Variants in MAP4K1 observed in about 807,000 individuals in gnomAD.
MAP4K1 encodes the protein mitogen-activated protein kinase kinase kinase kinase 1.
MAP4K1 carries 35 observed loss-of-function variants against 122.8 expected under a neutral mutation model. That is an observed-to-expected ratio of 0.29 (90% CI 0.22 to 0.38). The LOEUF (loss-of-function observed/expected upper bound fraction) is 0.38. MAP4K1 is among the 10% of genes least tolerant of loss of function. The probability of loss-of-function intolerance (pLI) is 1.00; values close to 1 mark genes in which losing one functional copy is unlikely to be tolerated. For synonymous variants in MAP4K1, 412 were observed against 421.3 expected (o/e 0.98, Z 0.27); for missense variants, 791 against 1,072.6 (o/e 0.74, Z 3.67).
In MAP4K1 at chr19:38,617,138, C is replaced by T. The variant is rs1203118740; in HGVS notation, c.248+216G>A. The stretch of plus-strand genomic sequence containing the variant: ...GTGAGCGCCTGTAATCCCAGCTACT[C>T]GGGAGTCTGAGGCAGAGAATTGCTT... On this transcript the variant is annotated intron_variant, in intron 3 of 30. Coordinates refer to ENST00000396857, the MANE Select transcript of MAP4K1 (RefSeq NM_001042600.3). This position sits in a 1 kb window ranked among gnomAD's most constrained non-coding sequence, Gnocchi z 4.1. 8.6e-5 allele frequency among the ~76,000 whole-genome samples: 13 copies of T among 151,874 alleles called. No homozygotes were observed. Among genetic ancestry groups the T allele is most frequent in the Admixed American group, 7.2e-4 (11 of 15,226 alleles).
intron 19 of MAP4K1, among the ~76,000 whole-genome samples, chr19:38,603,245 C>T (rs1975202558): frequency 6.7e-6 from 1 of 149,082 alleles, no homozygotes; most frequent in African/African-American, 2.5e-5. Flanking sequence ...TATATATACA[C>T]ATGTACATAT....
chr19:38,613,789 A>C, intron 8 of MAP4K1, 91 bp downstream of exon 8: 1 of 976,556 alleles, frequency 1.0e-6, no homozygotes, highest in Non-Finnish European at 1.6e-6. Flanking sequence ...AGGCAGGGGA[A>C]CGGAGCCAGG....
chr19:38,598,129 C>T lies in MAP4K1; in HGVS notation c.1670-535G>A, dbSNP rs183932644. Among the ~76,000 whole-genome samples, 550 of 151,966 alleles carry T rather than the reference C, an allele frequency of 3.6e-3. 3 individuals are homozygous for T. Among genetic ancestry groups the T allele is most frequent in the Non-Finnish European group, 6.5e-3 (445 of 67,968 alleles). The stretch of plus-strand genomic sequence containing the variant: ...CACTGCAGCCTCTGCCTCCCAGGTT[C>T]AAGCAATTCTCATGCCTCAGCCTCC... On this transcript the variant is annotated intron_variant, in intron 22 of 30. Transcript: ENST00000396857.
At position 38,599,950 on chromosome 19, in the gene MAP4K1, G is replaced by A. The variant is rs192388181; in HGVS notation, c.1644C>T (p.Ile548=). The A allele has an allele frequency of 6.2e-7, 1 of 1,614,190 alleles. No individual in the cohort carries two copies. The highest frequency in any genetic ancestry group is 1.1e-5 in the South Asian group (1 of 91,084). ...FPSRTTWVYS[I]NNVLMSLSGK... is the part of the protein sequence containing the mutation. ...CTGAGAGAGACATGAGAACGTTGTT[G>A]ATGGAGTACACCCACGTAGTCCGGC... Residue 548 remains isoleucine, a synonymous_variant, in exon 22 of 31, where the codon ATC becomes ATT. Transcript: ENST00000396857.
chr19:38,604,128 CAAAAAAAAAAAAA>C (rs200072842), intron 19 of MAP4K1, among the ~76,000 whole-genome samples: 9 of 53,516 alleles, frequency 1.7e-4, no homozygotes, highest in East Asian at 6.9e-4. Context: ...GATACTATCT[CAAAAAAAAAAAAA>C]AAAAAAAAAA....
chr19:38,592,701 G>A (rs539626644), intron 30 of MAP4K1, among the ~76,000 whole-genome samples: 6 of 151,904 alleles, frequency 3.9e-5, no homozygotes, highest in South Asian at 2.1e-4. Flanking sequence ...GTGGATCACC[G>A]AGGTCAGGAG....
rs1213088650 is a variant in MAP4K1 at position 38,602,633 on chromosome 19, TAC to T, written c.1447-1110_1447-1109del. On this transcript the variant is annotated intron_variant, in intron 19 of 30. Transcript: ENST00000396857. ...ATATATATACACATATACATATATA[TAC>T]ACACCTATACATATATACATATATA... 7.0e-5 allele frequency among the ~76,000 whole-genome samples: 10 copies of T among 143,792 alleles called. No individual in the cohort carries two copies. The South Asian group carries it at 1.4e-3, about 20-fold the overall frequency. The allele number at this position is 143,792 out of a possible 152,430, so 94.3% of individuals were successfully genotyped here.
chr19:38,591,074 C>T (rs1245656018), intron 30 of MAP4K1, among the ~76,000 whole-genome samples: 1 of 151,818 alleles, frequency 6.6e-6, no homozygotes, highest in Non-Finnish European at 1.5e-5. Flanking sequence ...CCTGTAATCC[C>T]AGCTACTCGG....
intron 29 of MAP4K1, 150 bp downstream of exon 29, chr19:38,595,335 C>A: frequency 2.0e-6 from 1 of 501,180 alleles, no homozygotes; most frequent in Non-Finnish European, 3.5e-6. Flanking sequence ...AATCCTGGGG[C>A]AAAGAAGGGG....
chr19:38,611,077 G>T lies in MAP4K1; in HGVS notation c.784C>A (p.Arg262=), dbSNP rs73552638. ...KVTLTKSPKK[R]PSATKMLSHQ... is the part of the protein sequence containing the mutation. The stretch of plus-strand genomic sequence containing the variant: ...CTGAGCATCTTGGTGGCGCTGGGTC[G>T]TTTCTTGGGACTCTTAGTCAGAGTG... Residue 262 remains arginine (R), a synonymous_variant, in exon 11 of 31, where the codon CGA becomes AGA. Coordinates refer to ENST00000396857, the MANE Select transcript of MAP4K1 (RefSeq NM_001042600.3). The T allele has an allele frequency of 9.2e-4, 1,491 of 1,613,118 alleles. 9 individuals are homozygous for T. In the African/African-American group the frequency reaches 0.018, roughly 20 times the overall value.
rs41274340 is a variant in MAP4K1 at position 38,614,105 on chromosome 19, T to C, written c.418-20A>G. ...AGCTCCCTGGGAATGAGAGGGGATA[T>C]GGGAGGCTGCAGAGACTCTCCCCAG... is the stretch of plus-strand genomic sequence containing the variant. On this transcript the variant is annotated intron_variant, in intron 6 of 30. Coordinates refer to ENST00000396857, the MANE Select transcript of MAP4K1 (RefSeq NM_001042600.3). 1,596 of 1,612,980 alleles carry C rather than the reference T, an allele frequency of 9.9e-4. 7 individuals carry two copies. Among genetic ancestry groups the C allele is most frequent in the Middle Eastern group, 3.1e-3 (18 of 5,862 alleles).
chr19:38,603,259 C>T (rs1181304767), intron 19 of MAP4K1, among the ~76,000 whole-genome samples: 7 of 148,500 alleles, frequency 4.7e-5, no homozygotes, highest in Admixed American at 6.7e-5. Flanking sequence ...TACATATATA[C>T]GCATATACAT....
At position 38,609,938 on chromosome 19, in the gene MAP4K1, T is replaced by A. The variant is rs1975445454; in HGVS notation, c.898A>T (p.Ile300Phe). The change falls in exon 12 of 31, where the codon ATT becomes TTT. Residue 300 changes from isoleucine (I) to phenylalanine (F), a missense_variant. Around this residue, in one of 4 missense-constraint regions of MAP4K1, gnomAD observed 303 missense variants for 344.8 expected, o/e 0.88. Coordinates refer to ENST00000396857, the MANE Select transcript of MAP4K1 (RefSeq NM_001042600.3). ...KLKNPGKGPS[I>F]GDIEDEEPEL... is the part of the protein sequence containing the mutation. ...GGCTCCTCATCCTCAATGTCCCCAA[T>A]GGAGGGTCCTTTCCCGGGATTCTTC... is the stretch of plus-strand genomic sequence containing the variant. The A allele has an allele frequency of 6.2e-7, 1 of 1,614,074 alleles. No homozygotes were observed. Among genetic ancestry groups the A allele is most frequent in the African/African-American group, 1.3e-5 (1 of 74,948 alleles).
rs1054247689 is a variant in MAP4K1 at position 38,617,095 on chromosome 19, A to T, written c.248+259T>A. Among the ~76,000 whole-genome samples the T allele has an allele frequency of 6.6e-6, 1 of 151,794 alleles. No homozygotes were observed. The highest frequency in any genetic ancestry group is 1.5e-5 in the Non-Finnish European group (1 of 67,944). On this transcript the variant is annotated intron_variant, in intron 3 of 30. Coordinates refer to ENST00000396857, the MANE Select transcript of MAP4K1 (RefSeq NM_001042600.3). The surrounding 1 kb of genome is among the most constrained non-coding windows in gnomAD (Gnocchi z 4.1). ...ACCCCATCTCTACTAAAAATACAAA[A>T]ATTTGCCGGGCAGGGTGGTGAGCGC...
At chr19:38,603,043 CAT>C (rs1198109476) in intron 19 of MAP4K1, among the ~76,000 whole-genome samples, 1 of 140,248 alleles carries the variant, frequency 7.1e-6, no homozygotes, top group African/African-American at 2.7e-5. Flanking sequence ...TACACATGTA[CAT>C]ATATACGCAT....
rs150439692 is a variant in MAP4K1, at chr19:38,600,032, C to G, written c.1608+45G>C. 5 of 1,613,998 alleles carry G rather than the reference C, an allele frequency of 3.1e-6. No homozygotes were observed. In the African/African-American group the frequency reaches 4.0e-5, roughly 13 times the overall value. ...GCTCTGGTGACACCCCAGCAACCCC[C>G]GACTCCGGCCCTTGCCCTTGCCCTG... On this transcript the variant is annotated intron_variant, in intron 21 of 30. Transcript: ENST00000396857.
chr19:38,593,198 T>C (rs1473999816), intron 30 of MAP4K1, 84 bp downstream of exon 30: 3 of 1,332,802 alleles, frequency 2.3e-6, no homozygotes, highest in East Asian at 2.5e-5. Flanking sequence ...AGGCTAGAGA[T>C]ACCTTGCTGG....
At chr19:38,606,132 C>T (rs775804987) in intron 17 of MAP4K1, 41 bp downstream of exon 17, 8 of 1,534,108 alleles carry the variant, frequency 5.2e-6, no homozygotes, top group Non-Finnish European at 6.2e-6. Context: ...CCCCCAGTGG[C>T]CCTGAGGCCC....
At chr19:38,611,025 G>A in intron 11 of MAP4K1, 26 bp downstream of exon 11, 2 of 1,592,596 alleles carry the variant, frequency 1.3e-6, no homozygotes, top group Middle Eastern at 3.3e-4. Context: ...ATCCTAGGCT[G>A]AGGATCTTGG....
Sources: gnomAD v4.1 joint callset for allele counts (sites outside exome capture counted in the v4.1 genomes callset) on GRCh38, gnomAD v4.1.1 for gene constraint, gnomAD v4.1.1 regional missense constraint, Gnocchi (gnomAD v3.1) non-coding constraint, MANE v1.5 for transcripts, NCBI Gene and HGNC (gene_info 2026-07-23, HGNC 2026-07-21) for gene names.